Variants in SGSM1 observed in about 807,000 individuals in gnomAD.
SGSM1 encodes the protein small G protein signaling modulator 1.
In SGSM1, 73 loss-of-function variants were observed where a neutral mutation model predicts 133.8. The ratio of observed to expected loss-of-function variants is 0.55; its 90% CI spans 0.45 to 0.66. The LOEUF is 0.66. Ranked by LOEUF, SGSM1 falls within the 30% of genes least tolerant of loss-of-function variation. The pLI is 0.00. For synonymous variants in SGSM1, 563 were observed against 573.0 expected (o/e 0.98, Z 0.25); for missense variants, 1,213 against 1,448.1 (o/e 0.84, Z 2.64).
intron 2 of SGSM1, among the ~76,000 whole-genome samples, chr22:24,811,297 G>T (rs184748621): frequency 6.6e-6 from 1 of 152,090 alleles, no homozygotes; most frequent in African/African-American, 2.4e-5. Flanking sequence ...TCTGCTCCCC[G>T]CTCACCCTAC....
At position 24,912,677 on chromosome 22, in the gene SGSM1, G is replaced by C. The variant is rs747525019; in HGVS notation, c.2853G>C (p.Met951Ile). Residue 951 changes from methionine to isoleucine, a missense_variant, in exon 22 of 25, where the codon ATG becomes ATC. Coordinates refer to ENST00000400358, the MANE Select transcript of SGSM1 (RefSeq NM_001098497.3). Reference sequence around the variant, plus strand: ...CCTTCAGCTGCTTCACGGAGCTCATGAAGAGGATGAACCAGAACTTCCCCC... The same window carrying C: ...CCTTCAGCTGCTTCACGGAGCTCATCAAGAGGATGAACCAGAACTTCCCCC... ...ALAFSCFTEL[M>I]KRMNQNFPHG... 1 of 1,613,792 alleles carries C rather than the reference G, an allele frequency of 6.2e-7. No individual in the cohort carries two copies.
At chr22:24,909,183 C>A (rs576312395) in intron 21 of SGSM1, among the ~76,000 whole-genome samples, 32 of 152,236 alleles carry the variant, frequency 2.1e-4, no homozygotes, top group Admixed American at 9.2e-4. Flanking sequence ...CAGAAACCAT[C>A]CCCCCGACTC....
chr22:24,855,237 G>A, intron 6 of SGSM1, 48 bp from the exon 7 acceptor site: 4 of 1,581,380 alleles, frequency 2.5e-6, no homozygotes, highest in Non-Finnish European at 3.4e-6. Context: ...TAGACATGCG[G>A]GAGGACTTTC....
intron 2 of SGSM1, among the ~76,000 whole-genome samples, chr22:24,814,640 G>A (rs961385732): frequency 7.9e-5 from 12 of 152,226 alleles, no homozygotes; most frequent in Non-Finnish European, 1.0e-4. Context: ...GGCACACCGC[G>A]TGGCTCACCC....
intron 2 of SGSM1, among the ~76,000 whole-genome samples, chr22:24,822,088 C>CTT (rs71320790): frequency 0.33 from 32,082 of 96,412 alleles, 6,696 homozygotes; most frequent in East Asian, 0.75. Flanking sequence ...TCATCTCTCT[C>CTT]TTTTTTTTTT....
At chr22:24,859,511 C>T (rs2147859746) in intron 8 of SGSM1, 2 of 669,500 alleles carry the variant, frequency 3.0e-6, no homozygotes, top group South Asian at 3.0e-5. Flanking sequence ...CGATGTAGAA[C>T]CCATTTGGGA....
At chr22:24,866,182 A>C (rs1303697356) in intron 9 of SGSM1, among the ~76,000 whole-genome samples, 1 of 152,152 alleles carries the variant, frequency 6.6e-6, no homozygotes, top group Non-Finnish European at 1.5e-5. Context: ...GAAACACTTA[A>C]ATAATCATAG....
At chr22:24,891,809 C>A (rs986274288) in intron 16 of SGSM1, among the ~76,000 whole-genome samples, 1 of 151,894 alleles carries the variant, frequency 6.6e-6, no homozygotes, top group African/African-American at 2.4e-5. Flanking sequence ...GCTGGTTGTT[C>A]GTAAATTCTC....
intron 2 of SGSM1, among the ~76,000 whole-genome samples, chr22:24,810,103 G>C (rs527650967): frequency 6.6e-6 from 1 of 152,228 alleles, no homozygotes; most frequent in African/African-American, 2.4e-5. Context: ...CGGAACATGT[G>C]GTCTTATCCC....
chr22:24,860,921 AAATATAT>A, intron 9 of SGSM1, among the ~76,000 whole-genome samples: 1 of 86,722 alleles, frequency 1.2e-5, no homozygotes, highest in African/African-American at 5.4e-5. Context: ...AAAAAAAAAA[AAATATAT>A]ATATATATAT....
At chr22:24,898,701 A>G in intron 19 of SGSM1, 142 bp downstream of exon 19, 1 of 805,722 alleles carries the variant, frequency 1.2e-6, no homozygotes, top group Non-Finnish European at 1.9e-6. Context: ...GATTCACTGT[A>G]GAAACCCATT....
rs141386014 is a variant in SGSM1 at position 24,914,562 on chromosome 22, G to A, written c.2928+1810G>A. Reference sequence around the variant, plus strand: ...TTTCCCCATCACTCCTGTCCTCCCAGTGGTAAGCACTTTGCAGATTCCTAT... The same window carrying A: ...TTTCCCCATCACTCCTGTCCTCCCAATGGTAAGCACTTTGCAGATTCCTAT... On this transcript the variant is annotated intron_variant, in intron 22 of 24. Transcript: ENST00000400358. Among the ~76,000 whole-genome samples the A allele has an allele frequency of 2.0e-4, 31 of 151,956 alleles. No individual in the cohort carries two copies. The East Asian group carries it at 6.0e-3, about 29-fold the overall frequency.
intron 2 of SGSM1, among the ~76,000 whole-genome samples, chr22:24,820,046 G>A (rs1928372283): frequency 6.6e-6 from 1 of 152,090 alleles, no homozygotes; most frequent in South Asian, 2.1e-4. Context: ...CAAGCAGTGG[G>A]CAGGCACCCA....
chr22:24,820,427 A>T (rs1928400538), intron 2 of SGSM1, among the ~76,000 whole-genome samples: 1 of 152,224 alleles, frequency 6.6e-6, no homozygotes, highest in African/African-American at 2.4e-5. Flanking sequence ...AACTCGGGCC[A>T]GGTTGGCAGC....
intron 2 of SGSM1, chr22:24,814,338 A>G (rs1328906583): frequency 6.6e-6 from 1 of 152,106 alleles, no homozygotes; most frequent in Non-Finnish European, 1.5e-5. Flanking sequence ...GACCTCATTT[A>G]ATTATTGATC....
intron 16 of SGSM1, 99 bp from the exon 17 acceptor site, chr22:24,893,332 A>T (rs1932846263): frequency 4.7e-6 from 6 of 1,266,256 alleles, no homozygotes; most frequent in Non-Finnish European, 6.6e-6. Flanking sequence ...AACTGCGTGA[A>T]TGTTGGATGG....
At chr22:24,893,340 T>A (rs1157895955) in intron 16 of SGSM1, 91 bp from the exon 17 acceptor site, 24 of 1,342,374 alleles carry the variant, frequency 1.8e-5, no homozygotes, top group Non-Finnish European at 2.2e-5. Context: ...GAATGTTGGA[T>A]GGATCAGAGC....
chr22:24,865,835 G>T (rs1164064180), intron 9 of SGSM1, among the ~76,000 whole-genome samples: 1 of 152,160 alleles, frequency 6.6e-6, no homozygotes, highest in African/African-American at 2.4e-5. Context: ...AGAACATTTG[G>T]CCAGGTCAGT....
rs374622427 is a variant in SGSM1, at chr22:24,841,051, C to T, written c.64-3846C>T. Among the ~76,000 whole-genome samples the T allele has an allele frequency of 8.5e-4, 129 of 152,050 alleles. 1 individual carries two copies. The highest frequency in any genetic ancestry group is 7.7e-3 in the South Asian group (37 of 4,810). ...ATTTTTAGTAGAGACGGGGTTTCAC[C>T]GTGTTAGCCAAGATGGTCTCGATCT... On this transcript the variant is annotated intron_variant, in intron 2 of 24. Coordinates refer to ENST00000400358, the MANE Select transcript of SGSM1 (RefSeq NM_001098497.3).
Sources: allele counts gnomAD v4.1 joint callset (sites outside exome capture counted in the v4.1 genomes callset), GRCh38; gene constraint gnomAD v4.1.1; transcripts MANE v1.5; gene names NCBI Gene and HGNC (gene_info 2026-07-23, HGNC 2026-07-21).